The following NPC1 variants were observed in gnomAD, a reference collection of about 807,000 sequenced individuals.
NPC1 encodes Niemann-Pick C1 protein.
Under a neutral mutation model 140.4 loss-of-function variants are expected in NPC1, and 85 were observed. That is an observed-to-expected ratio of 0.61 (90% CI 0.51 to 0.72). The LOEUF (loss-of-function observed/expected upper bound fraction) is 0.72. Among genes scored for constraint, NPC1 ranks in the 30% least tolerant of loss-of-function variants. NPC1 has a pLI of 0.00. For missense variants in NPC1, 1,504 were observed against 1,623.8 expected (o/e 0.93, Z 1.27); for synonymous variants, 656 against 624.8 (o/e 1.05, Z -0.74).
At chr18:23,560,201 T>C (rs201415101) in intron 6 of NPC1, 30 bp downstream of exon 6, 1 of 1,613,724 alleles carries the variant, frequency 6.2e-7, no homozygotes, top group African/African-American at 1.3e-5. Flanking sequence ...TTTGCTCTTT[T>C]TGCCCTGGAT....
chr18:23,558,292 T>C (rs987554169), intron 6 of NPC1, among the ~76,000 whole-genome samples: 2 of 152,200 alleles, frequency 1.3e-5, no homozygotes, highest in Non-Finnish European at 2.9e-5. Context: ...ACAGTGGAGA[T>C]AGCCAGCAGA....
At chr18:23,527,362 A>T (rs2058333539), downstream of NPC1, among the ~76,000 whole-genome samples, 1 of 151,614 alleles carries the variant, frequency 6.6e-6, no homozygotes. Context: ...GTGTCAGTGT[A>T]CCTCCAGCCT....
chr18:23,544,247 C>T (rs1295531536), intron 13 of NPC1, 97 bp downstream of exon 13: 3 of 1,189,516 alleles, frequency 2.5e-6, no homozygotes, highest in Admixed American at 3.9e-5. Flanking sequence ...AACAAAACAC[C>T]CTCACAGGTC....
chr18:23,507,208 G>A (rs1352032799), intron 3 of NPC1, among the ~76,000 whole-genome samples: 1 of 151,986 alleles, frequency 6.6e-6, no homozygotes, highest in African/African-American at 2.4e-5. Flanking sequence ...CTTCAAAAAC[G>A]AAAAAGACAT....
chr18:23,525,662 A>G (rs951344486), downstream of NPC1, among the ~76,000 whole-genome samples: 1 of 152,074 alleles, frequency 6.6e-6, no homozygotes, highest in African/African-American at 2.4e-5. Context: ...TGACCTCGTG[A>G]TCTGCCCACC....
Position 23,554,881 on chromosome 18 carries a change from G to A in NPC1, c.1430C>T (p.Thr477Met), listed in dbSNP as rs761459069. The change falls in exon 9 of 25, where the codon ACG becomes ATG. Residue 477 changes from threonine to methionine, a missense_variant. Coordinates refer to ENST00000269228, the MANE Select transcript of NPC1 (RefSeq NM_000271.5). ...TAACACACTCAAAATGGTGCAGTTC[G>A]TGTTATACGGTGAAAGAGGGGCCAA... Reference protein sequence around the residue: ...ICLAPLSPYNTNCTILSVLNY... With the variant: ...ICLAPLSPYNMNCTILSVLNY... 4.8e-5 allele frequency: 78 copies of A among 1,613,886 alleles called. No homozygotes were observed. The highest frequency in any genetic ancestry group is 4.4e-5 in the South Asian group (4 of 91,080).
At chr18:23,520,394 T>G (rs2058112275), downstream of NPC1, 9 of 1,157,990 alleles carry the variant, frequency 7.8e-6, no homozygotes, top group Non-Finnish European at 1.3e-6. Flanking sequence ...GGGAGTCACG[T>G]TAAAAGTGGA....
intron 8 of NPC1, 77 bp downstream of exon 8, chr18:23,556,166 T>C (rs1349746226): frequency 6.3e-6 from 8 of 1,271,062 alleles, no homozygotes; most frequent in Non-Finnish European, 9.2e-6. Context: ...AATCCCCATC[T>C]AGCAGTAGTC....
chr18:23,576,153 G>C (rs1466829107), intron 1 of NPC1, among the ~76,000 whole-genome samples: 3 of 152,140 alleles, frequency 2.0e-5, no homozygotes, highest in African/African-American at 7.2e-5. Context: ...GAACCCGAGA[G>C]GCGGAGGTTG....
chr18:23,565,855 T>C (rs949780481), intron 4 of NPC1, among the ~76,000 whole-genome samples: 3 of 144,890 alleles, frequency 2.1e-5, no homozygotes, highest in Non-Finnish European at 4.8e-5. Flanking sequence ...ATCCCTTTGA[T>C]TATTATTGTC....
intron 10 of NPC1, among the ~76,000 whole-genome samples, chr18:23,551,227 T>C (rs1279866070): frequency 1.3e-5 from 2 of 152,230 alleles, no homozygotes; most frequent in African/African-American, 4.8e-5. Flanking sequence ...TGTTTCTTTT[T>C]CCACATACCT....
At chr18:23,551,376 G>A (rs1413670011) in intron 10 of NPC1, among the ~76,000 whole-genome samples, 1 of 152,170 alleles carries the variant, frequency 6.6e-6, no homozygotes, top group Admixed American at 6.6e-5. Context: ...ATTATTCTGG[G>A]GAAAGGTACT....
chr18:23,530,265 C>T, downstream of NPC1: 2 of 1,614,194 alleles, frequency 1.2e-6, no homozygotes, highest in Non-Finnish European at 8.5e-7. Context: ...TTTCTATCCT[C>T]CTGCTCATCA....
At position 23,586,292 on chromosome 18, in the gene NPC1, C is replaced by T. The variant is rs1337785844; in HGVS notation, c.52G>A (p.Ala18Thr). Residue 18 changes from alanine (A) to threonine (T), a missense_variant, in exon 1 of 25, where the codon GCG becomes ACG. Physicochemically the swap from Ala to Thr is moderately conservative, Grantham distance 58. Coordinates refer to ENST00000269228, the MANE Select transcript of NPC1 (RefSeq NM_000271.5). ...GGTGGCCGGCGACCGCTCACCTGCGCTGGACACAGTAGCAGCAGGAGGAGG... is the reference window on the plus strand; with the variant it reads ...GGTGGCCGGCGACCGCTCACCTGCGTTGGACACAGTAGCAGCAGGAGGAGG... ...LGLLLLLLCP[A>T]QVFSQSCVWY... is the part of the protein sequence containing the mutation. 3.9e-6 allele frequency: 6 copies of T among 1,533,590 alleles called. No homozygotes were observed. The highest frequency in any genetic ancestry group is 5.2e-6 in the Non-Finnish European group (6 of 1,146,174). 95.0% of individuals were successfully genotyped at this position (1,533,590 alleles called of 1,614,324 possible).
rs562891401 is a variant in NPC1, at chr18:23,537,070, C to CT, written c.3042-195dup. ...AGCTTGTTCTCTCCCAGACTGGCTT[C>CT]TTTTTTTTTTTATTTTGAGACAGAG... On this transcript the variant is annotated intron_variant, in intron 20 of 24. Transcript: ENST00000269228. 0.01 allele frequency among the ~76,000 whole-genome samples: 1,531 copies of CT among 147,164 alleles called. 24 individuals are homozygous for CT. Among genetic ancestry groups the CT allele is most frequent in the African/African-American group, 0.034 (1,391 of 40,346 alleles).
rs2145417067 is a variant in NPC1, at chr18:23,548,029, C to T, written c.1734G>A (p.Gln578=). The change falls in exon 11 of 25, where the codon CAG becomes CAA. Residue 578 remains glutamine, a synonymous_variant. Transcript: ENST00000269228. ...ACTCTTTTTCCCAGGCCTGGGCCCTCTGGAGCTTCTCTGTATCATTATAGT... is the reference window on the plus strand; with the variant it reads ...ACTCTTTTTCCCAGGCCTGGGCCCTTTGGAGCTTCTCTGTATCATTATAGT... The part of the protein sequence containing the change: ...NNYYNDTEKL[Q]RAQAWEKEFI... 1.2e-6 allele frequency: 2 copies of T among 1,607,548 alleles called. No individual in the cohort carries two copies. Among genetic ancestry groups the T allele is most frequent in the Non-Finnish European group, 1.7e-6 (2 of 1,174,024 alleles).
intron 3 of NPC1, chr18:23,509,183 T>C (rs770907130): frequency 1.3e-5 from 17 of 1,291,328 alleles, no homozygotes. Flanking sequence ...TTTTAAAAAA[T>C]TTTTCTTAGA....
chr18:23,539,513 G>A, intron 18 of NPC1, 43 bp from the exon 19 acceptor site: 3 of 1,345,586 alleles, frequency 2.2e-6, no homozygotes, highest in Non-Finnish European at 1.1e-6. Flanking sequence ...CCACAGGGAG[G>A]AAGTCTTTAG....
intron 1 of NPC1, among the ~76,000 whole-genome samples, chr18:23,582,806 G>GAA (rs5823397): frequency 7.2e-6 from 1 of 138,038 alleles, no homozygotes. Context: ...ACCTGGTCTT[G>GAA]AAAAAAAAAA....
Sources: gnomAD v4.1 joint callset for allele counts (sites outside exome capture counted in the v4.1 genomes callset) on GRCh38, gnomAD v4.1.1 for gene constraint, MANE v1.5 for transcripts, NCBI Gene and HGNC (gene_info 2026-07-23, HGNC 2026-07-21) for gene names.